The following ATXN2 variants were observed in gnomAD, a reference collection of about 807,000 sequenced individuals.
ATXN2 encodes the protein ataxin-2.
ATXN2 carries 37 observed loss-of-function variants against 138.6 expected under a neutral mutation model. That is an observed-to-expected ratio of 0.27 (90% CI 0.21 to 0.35). The LOEUF (loss-of-function observed/expected upper bound fraction) is 0.35, where lower values mean the gene tolerates loss of function less well. ATXN2 is among the 10% of genes least tolerant of loss of function. The pLI, the probability that ATXN2 is intolerant of heterozygous loss-of-function variation, is 1.00. For missense variants in ATXN2, 1,216 were observed against 1,480.3 expected, an observed-to-expected ratio of 0.82 and a Z score of 2.93; for synonymous variants, 549 against 543.7, an observed-to-expected ratio of 1.01 and a Z score of -0.13.
At chr12:111,530,847 G>A (rs988401346) in intron 5 of ATXN2, among the ~76,000 whole-genome samples, 29 of 151,896 alleles carry the variant, frequency 1.9e-4, no homozygotes, top group East Asian at 5.8e-4. Context: ...GTGTATAGGC[G>A]GGGTGCAGTG....
chr12:111,513,362 C>G lies in ATXN2; in HGVS notation c.1553G>C (p.Ser518Thr), dbSNP rs750318745. ...PSGGTWSSVVSGVPRLSPKTH... is the reference protein window; with the variant it reads ...PSGGTWSSVVTGVPRLSPKTH... Reference sequence around the variant, plus strand: ...TATGCCCAAGTGTTACCTACCCCCACTGACCACTGATGACCACGTTCCCCC... The same window carrying G: ...TATGCCCAAGTGTTACCTACCCCCAGTGACCACTGATGACCACGTTCCCCC... Residue 518 changes from serine to threonine, a missense_variant, in exon 11 of 25, where the codon AGT becomes ACT. Transcript: ENST00000673436. 1.2e-6 allele frequency: 2 copies of G among 1,612,298 alleles called. No individual in the cohort carries two copies. Among genetic ancestry groups the G allele is most frequent in the African/African-American group, 2.7e-5 (2 of 74,972 alleles).
chr12:111,599,542 G>C (rs576578232), upstream of ATXN2: 12 of 1,198,966 alleles, frequency 1.0e-5, no homozygotes, highest in Non-Finnish European at 4.1e-6. Flanking sequence ...GAGGCGCCGG[G>C]TGGGAGCGGA....
chr12:111,502,748 T>C (rs1360924440), intron 14 of ATXN2, among the ~76,000 whole-genome samples: 1 of 152,196 alleles, frequency 6.6e-6, no homozygotes, highest in East Asian at 1.9e-4. Flanking sequence ...GAAATTCTTA[T>C]GTGACTCCAC....
At chr12:111,561,179 C>T (rs1044201247) in intron 1 of ATXN2, among the ~76,000 whole-genome samples, 11 of 149,888 alleles carry the variant, frequency 7.3e-5, no homozygotes, top group Non-Finnish European at 1.5e-4. Context: ...AGCGAGACTC[C>T]GCCTCAAAAA....
At chr12:111,523,087 T>C (rs985364283) in intron 6 of ATXN2, among the ~76,000 whole-genome samples, 1 of 151,670 alleles carries the variant, frequency 6.6e-6, no homozygotes, top group East Asian at 2.0e-4. Context: ...AAGACCAGCC[T>C]GACAAACATG....
chr12:111,576,740 A>G (rs1883674369), intron 1 of ATXN2, among the ~76,000 whole-genome samples: 2 of 151,346 alleles, frequency 1.3e-5, no homozygotes, highest in South Asian at 4.2e-4. Context: ...CGGGCGGATC[A>G]CAAAGTCAGG....
chr12:111,549,298 T>C (rs1053028885), intron 5 of ATXN2, among the ~76,000 whole-genome samples: 1 of 151,998 alleles, frequency 6.6e-6, no homozygotes, highest in Non-Finnish European at 1.5e-5. Flanking sequence ...CAGTAATAAA[T>C]GCCTTAATTT....
At chr12:111,555,810 G>T in intron 2 of ATXN2, 73 bp downstream of exon 2, 3 of 1,257,510 alleles carry the variant, frequency 2.4e-6, no homozygotes, top group Non-Finnish European at 3.3e-6. Flanking sequence ...TTTTGCCTTG[G>T]CATTTGGTCT....
rs1329930223 is a variant in ATXN2, at chr12:111,509,997, A to G, written c.1758T>C (p.Ala586=). The change falls in exon 13 of 25, where the codon GCT becomes GCC. Residue 586 remains alanine (A), a splice_region_variant and synonymous_variant. Transcript: ENST00000673436. Reference sequence around the variant, plus strand: ...TCTGATCTTGAAGCCTGGAATCTTTAGCTAGAAAACAATTTTTTAAAAAAA... The same window carrying G: ...TCTGATCTTGAAGCCTGGAATCTTTGGCTAGAAAACAATTTTTTAAAAAAA... The part of the protein sequence containing the change: ...SNRAVTPSSE[A]KDSRLQDQRQ... The G allele has an allele frequency of 1.9e-6, 3 of 1,592,394 alleles. No individual in the cohort carries two copies. The highest frequency in any genetic ancestry group is 2.6e-6 in the Non-Finnish European group (3 of 1,170,562).
At chr12:111,584,692 A>G (rs1884226273) in intron 1 of ATXN2, among the ~76,000 whole-genome samples, 1 of 151,992 alleles carries the variant, frequency 6.6e-6, no homozygotes, top group African/African-American at 2.4e-5. Flanking sequence ...TAGGCCGGGC[A>G]CAGGGGTTCA....
chr12:111,456,365 T>A (rs1794169575), intron 22 of ATXN2, 109 bp from the exon 23 acceptor site: 1 of 1,148,348 alleles, frequency 8.7e-7, no homozygotes. Flanking sequence ...TGAGGGTCAC[T>A]GGAAAGTACA....
At chr12:111,547,617 C>T (rs370973288) in intron 5 of ATXN2, among the ~76,000 whole-genome samples, 5 of 151,672 alleles carry the variant, frequency 3.3e-5, no homozygotes, top group African/African-American at 7.3e-5. Context: ...CCCAGCTACT[C>T]GGGAGGCTGA....
At chr12:111,555,142 A>T (rs1302440724) in intron 2 of ATXN2, among the ~76,000 whole-genome samples, 1 of 152,190 alleles carries the variant, frequency 6.6e-6, no homozygotes, top group Non-Finnish European at 1.5e-5. Context: ...AAGGAGAAAA[A>T]TGAAAGCAGC....
chr12:111,528,341 TACAC>T (rs1880618788), intron 5 of ATXN2, among the ~76,000 whole-genome samples: 1 of 152,136 alleles, frequency 6.6e-6, no homozygotes, highest in Admixed American at 6.5e-5. Context: ...ATCCCAAATG[TACAC>T]ACAAAGTAGC....
Position 111,585,448 on chromosome 12 carries a change from G to A in ATXN2, c.251+13336C>T, listed in dbSNP as rs564433931. On this transcript the variant is annotated intron_variant, in intron 1 of 24. Transcript: ENST00000673436. The stretch of plus-strand genomic sequence containing the variant: ...AAATCGCTAGAAGCTGGGAGGCAGA[G>A]GTTGCAGTGGGCCAAGATTGTACCA... 2.6e-5 allele frequency among the ~76,000 whole-genome samples: 4 copies of A among 151,702 alleles called. No individual in the cohort carries two copies. The South Asian group carries it at 8.3e-4, about 32-fold the overall frequency.
At chr12:111,506,509 T>C (rs912202859) in intron 14 of ATXN2, among the ~76,000 whole-genome samples, 2 of 152,178 alleles carry the variant, frequency 1.3e-5, no homozygotes, top group African/African-American at 4.8e-5. Context: ...CTTCATGAGA[T>C]ATTAAATTCA....
intron 5 of ATXN2, among the ~76,000 whole-genome samples, chr12:111,540,387 T>A (rs1297141220): frequency 6.6e-6 from 1 of 150,674 alleles, no homozygotes; most frequent in East Asian, 1.9e-4. Flanking sequence ...GAATGCTACT[T>A]GTTTTACTTA....
At chr12:111,465,767 C>CAAA (rs61456193) in intron 20 of ATXN2, among the ~76,000 whole-genome samples, 682 of 36,048 alleles carry the variant, frequency 0.019, 31 homozygotes, top group East Asian at 0.051. Flanking sequence ...GAGACTACCT[C>CAAA]AAAAAAAAAA....
At chr12:111,586,608 A>C (rs1374008158) in intron 1 of ATXN2, among the ~76,000 whole-genome samples, 1 of 151,586 alleles carries the variant, frequency 6.6e-6, no homozygotes, top group Non-Finnish European at 1.5e-5. Flanking sequence ...GAATGGTCTC[A>C]ATCTCTTGAC....
Sources: gnomAD v4.1 joint callset for allele counts (sites outside exome capture counted in the v4.1 genomes callset) on GRCh38, gnomAD v4.1.1 for gene constraint, MANE v1.5 for transcripts, NCBI Gene and HGNC (gene_info 2026-07-23, HGNC 2026-07-21) for gene names.